The following PARP4 variants were observed in gnomAD, a reference collection of about 807,000 sequenced individuals.
The protein encoded by PARP4 is protein mono-ADP-ribosyltransferase PARP4.
A neutral mutation model predicts 187.7 loss-of-function variants in PARP4; 120 were observed. The ratio of observed to expected loss-of-function variants is 0.64; its 90% CI spans 0.55 to 0.74. The LOEUF (loss-of-function observed/expected upper bound fraction) is 0.74, where lower values mean the gene tolerates loss of function less well. Ranked by LOEUF, PARP4 falls within the 30% of genes least tolerant of loss-of-function variation. The pLI is 0.00. For synonymous variants in PARP4, 654 were observed against 740.9 expected, an observed-to-expected ratio of 0.88 and a Z score of 1.90; for missense variants, 1,836 against 2,070.5, an observed-to-expected ratio of 0.89 and a Z score of 2.20.
In PARP4 at chr13:24,500,368, C is replaced by T. The variant is rs1475073946; in HGVS notation, c.349G>A (p.Gly117Ser). 6.2e-7 allele frequency: 1 copy of T among 1,601,374 alleles called. No individual in the cohort carries two copies. The highest frequency in any genetic ancestry group is 1.1e-5 in the South Asian group (1 of 89,400). The change falls in exon 4 of 34, where the codon GGT becomes AGT. Residue 117 changes from glycine (G) to serine (S), a missense_variant. Coordinates refer to ENST00000381989, the MANE Select transcript of PARP4 (RefSeq NM_006437.4). ...TCTGTGGCACTGTCCGGGCATAGAC[C>T]TTCTGTTTTCACTTCTAGAATTAAA... ...KASSSEVKTE[G>S]LCPDSATEEE...
At chr13:24,462,021 A>C (rs913501670) in intron 17 of PARP4, among the ~76,000 whole-genome samples, 1 of 152,158 alleles carries the variant, frequency 6.6e-6, no homozygotes. Flanking sequence ...AACAGACACA[A>C]GGCAGAATTT....
chr13:24,480,788 A>T (rs985107311), intron 12 of PARP4, among the ~76,000 whole-genome samples: 1 of 152,258 alleles, frequency 6.6e-6, no homozygotes, highest in Non-Finnish European at 1.5e-5. Context: ...AGGTTTAAGG[A>T]AAGAAGCCAT....
In PARP4 at chr13:24,508,600, G is replaced by A. The variant is rs146814688; in HGVS notation, c.-2+4106C>T. 4.3e-3 allele frequency among the ~76,000 whole-genome samples: 654 copies of A among 152,200 alleles called. 7 individuals carry two copies. The highest frequency in any genetic ancestry group is 0.015 in the African/African-American group (609 of 41,536). On this transcript the variant is annotated intron_variant, in intron 1 of 33. Transcript: ENST00000381989. ...GAGACCTCGGCTCACGGCACCCTCC[G>A]CCTCCCGGGTTCAAACGATTCTCCT...
intron 32 of PARP4, among the ~76,000 whole-genome samples, chr13:24,427,336 TAAC>T (rs1396712835): frequency 6.6e-6 from 1 of 151,504 alleles, no homozygotes; most frequent in Non-Finnish European, 1.5e-5. Flanking sequence ...TGAACTCAAT[TAAC>T]AACCCATTTT....
At chr13:24,491,122 ATTT>A (rs569158116) in intron 9 of PARP4, among the ~76,000 whole-genome samples, 1 of 138,132 alleles carries the variant, frequency 7.2e-6, no homozygotes, top group African/African-American at 2.7e-5. Context: ...CATGACTGAC[ATTT>A]TTTTTTTTTT....
intron 17 of PARP4, among the ~76,000 whole-genome samples, chr13:24,460,889 A>G (rs1872187524): frequency 6.6e-6 from 1 of 151,552 alleles, no homozygotes; most frequent in African/African-American, 2.4e-5. Flanking sequence ...CTGGTCTCAA[A>G]CTCCAGGCCT....
At chr13:24,501,125 A>G (rs913840751) in intron 3 of PARP4, among the ~76,000 whole-genome samples, 2 of 152,218 alleles carry the variant, frequency 1.3e-5, no homozygotes, top group African/African-American at 4.8e-5. Flanking sequence ...ACTGTGAGTT[A>G]GTATTTATCA....
At chr13:24,431,304 T>A in intron 32 of PARP4, 73 bp downstream of exon 32, 2 of 819,466 alleles carry the variant, frequency 2.4e-6, no homozygotes, top group Non-Finnish European at 4.0e-6. Flanking sequence ...TACAAAACAG[T>A]TTACAACAAT....
intron 1 of PARP4, among the ~76,000 whole-genome samples, chr13:24,509,827 G>A (rs1052462692): frequency 1.3e-5 from 2 of 151,940 alleles, no homozygotes; most frequent in African/African-American, 2.4e-5. Context: ...CAGCCTCCAA[G>A]TAGCTGGGAC....
intron 8 of PARP4, 133 bp downstream of exon 8, chr13:24,493,463 G>A (rs188357071): frequency 1.8e-4 from 140 of 792,418 alleles, no homozygotes; most frequent in Middle Eastern, 3.0e-4. Flanking sequence ...CTTCAGTACC[G>A]GTACAAGGAA....
At position 24,492,312 on chromosome 13, in the gene PARP4, C is replaced by T. The variant is rs1868700298; in HGVS notation, c.1053+109G>A. ...TTCAACAATTTATTTTCTAGTACAA[C>T]TCTGGAGACAATTTCATGATTCAGT... On this transcript the variant is annotated intron_variant, in intron 9 of 33. Transcript: ENST00000381989. The T allele has an allele frequency of 2.5e-5, 18 of 731,336 alleles. No homozygotes were observed. The East Asian group carries it at 5.0e-4, about 20-fold the overall frequency. 45.3% of individuals were successfully genotyped at this position (731,336 alleles called of 1,614,324 possible).
chr13:24,459,260 T>A lies in PARP4; in HGVS notation c.2345+4A>T, dbSNP rs1310419743. ...TTGACAGGTTTTATATTTTAGGTAC[T>A]AACCTTTGCTTTGTTCCTATTTCTT... is the stretch of plus-strand genomic sequence containing the variant. On this transcript the variant is annotated splice_donor_region_variant and intron_variant, in intron 19 of 33. Coordinates refer to ENST00000381989, the MANE Select transcript of PARP4 (RefSeq NM_006437.4). The A allele has an allele frequency of 1.9e-6, 3 of 1,588,074 alleles. No individual in the cohort carries two copies. In the East Asian group the frequency reaches 6.7e-5, roughly 36 times the overall value.
intron 33 of PARP4, among the ~76,000 whole-genome samples, chr13:24,425,563 G>C (rs1357730616): frequency 0.015 from 1,552 of 106,708 alleles, 42 homozygotes; most frequent in Admixed American, 0.073. Flanking sequence ...GTGTGTGTGT[G>C]TGTGTGTATA....
At position 24,456,314 on chromosome 13, in the gene PARP4, C is replaced by G. The variant is rs112423213; in HGVS notation, c.2562+27G>C. On this transcript the variant is annotated intron_variant, in intron 21 of 33. Transcript: ENST00000381989. Reference sequence around the variant, plus strand: ...CTGAAACATTTTTTCAATAGTGTCTCCTATGTCTAAGTAAAAAGGAGTATA... The same window carrying G: ...CTGAAACATTTTTTCAATAGTGTCTGCTATGTCTAAGTAAAAAGGAGTATA... 1.6e-3 allele frequency: 2,539 copies of G among 1,567,132 alleles called. 31 individuals carry two copies. The African/African-American group carries it at 0.027, about 17-fold the overall frequency.
chr13:24,476,932 T>C (rs2137509762), intron 14 of PARP4, among the ~76,000 whole-genome samples: 1 of 152,166 alleles, frequency 6.6e-6, no homozygotes, highest in East Asian at 1.9e-4. Flanking sequence ...GGAGAGAAGG[T>C]GGAGCGCAAA....
At chr13:24,427,931 A>AATAAT (rs1870140018) in intron 32 of PARP4, among the ~76,000 whole-genome samples, 1 of 152,206 alleles carries the variant, frequency 6.6e-6, no homozygotes, top group Non-Finnish European at 1.5e-5. Context: ...CAACTCCAAG[A>AATAAT]ATAATATAAT....
chr13:24,448,257 A>G (rs1476156172), intron 25 of PARP4, among the ~76,000 whole-genome samples: 3 of 152,084 alleles, frequency 2.0e-5, no homozygotes, highest in Non-Finnish European at 2.9e-5. Flanking sequence ...ACAAAAAACA[A>G]TAAGAAAAAA....
intron 25 of PARP4, among the ~76,000 whole-genome samples, chr13:24,447,892 C>T (rs1486062134): frequency 2.0e-5 from 3 of 152,188 alleles, no homozygotes; most frequent in Non-Finnish European, 4.4e-5. Flanking sequence ...ATTTCACACC[C>T]AGTGGGATGG....
intron 33 of PARP4, among the ~76,000 whole-genome samples, chr13:24,422,800 G>A (rs1304684961): frequency 3.3e-5 from 5 of 151,784 alleles, no homozygotes; most frequent in African/African-American, 9.7e-5. Context: ...GTAGAGACGG[G>A]GTTTCACCAT....
Sources: allele counts gnomAD v4.1 joint callset (sites outside exome capture counted in the v4.1 genomes callset), GRCh38; gene constraint gnomAD v4.1.1; transcripts MANE v1.5; gene names NCBI Gene and HGNC (gene_info 2026-07-23, HGNC 2026-07-21).